PARP4: variants seen among roughly 807,000 people sequenced by gnomAD.
PARP4 encodes the protein protein mono-ADP-ribosyltransferase PARP4.
A neutral mutation model predicts 187.7 loss-of-function variants in PARP4; 120 were observed. That is an observed-to-expected ratio of 0.64 (90% CI 0.55 to 0.74). The LOEUF (loss-of-function observed/expected upper bound fraction) is 0.74. PARP4 is among the 30% of genes least tolerant of loss of function. The probability of loss-of-function intolerance (pLI) is 0.00; values close to 1 mark genes in which losing one functional copy is unlikely to be tolerated. For synonymous variants in PARP4, 654 were observed against 740.9 expected (o/e 0.88, Z 1.90); for missense variants, 1,836 against 2,070.5 (o/e 0.89, Z 2.20).
At position 24,492,601 on chromosome 13, in the gene PARP4, A is replaced by T. The variant is rs769464917; in HGVS notation, c.880-7T>A. 42 of 1,609,848 alleles carry T rather than the reference A, an allele frequency of 2.6e-5. No homozygotes were observed. Among genetic ancestry groups the T allele is most frequent in the Non-Finnish European group, 3.5e-5 (41 of 1,176,622 alleles). On this transcript the variant is annotated splice_polypyrimidine_tract_variant and splice_region_variant and intron_variant, in intron 8 of 33. Transcript: ENST00000381989. ...TCCCCTCTGCCTTGCTCACCTTTCA[A>T]CAGATCATATATGCTTATTACAATG...
intron 21 of PARP4, 100 bp downstream of exon 21, chr13:24,456,241 G>T: frequency 1.1e-6 from 1 of 893,738 alleles, no homozygotes; most frequent in African/African-American, 1.7e-5. Context: ...ATTTTGTAAT[G>T]CTAGTTTTTC....
intron 27 of PARP4, among the ~76,000 whole-genome samples, chr13:24,445,697 C>G (rs1294892301): frequency 1.3e-5 from 2 of 152,196 alleles, no homozygotes; most frequent in African/African-American, 4.8e-5. Flanking sequence ...CTAAGGTAAA[C>G]TTTTCCTGAG....
intron 24 of PARP4, among the ~76,000 whole-genome samples, chr13:24,451,213 G>A (rs1431752103): frequency 6.6e-6 from 1 of 152,230 alleles, no homozygotes; most frequent in East Asian, 1.9e-4. Flanking sequence ...AGGGGGCAGG[G>A]AGGGGCTGCT....
chr13:24,433,708 T>C (rs1440325721), intron 31 of PARP4, among the ~76,000 whole-genome samples: 2 of 151,690 alleles, frequency 1.3e-5, no homozygotes. Context: ...ATCTCCACTA[T>C]ATGGATGAGG....
At position 24,452,208 on chromosome 13, in the gene PARP4, G is replaced by T. The variant is rs540443092; in HGVS notation, c.3014+198C>A. The T allele has an allele frequency of 9.7e-6, 5 of 516,384 alleles. No homozygotes were observed. In the East Asian group the frequency reaches 1.6e-4, roughly 16 times the overall value. The allele number at this position is 516,384 out of a possible 1,614,324, so 32.0% of individuals were successfully genotyped here. A position where few individuals can be genotyped will look rare whatever the true frequency, so the allele number is the denominator to read the frequency against. ...TGAGAGGTTAAGGAACTTGCTCAAG[G>T]TCACGGCTAAGCTAATGAGTGGCCA... On this transcript the variant is annotated intron_variant, in intron 24 of 33. Coordinates refer to ENST00000381989, the MANE Select transcript of PARP4 (RefSeq NM_006437.4).
intron 23 of PARP4, 96 bp from the exon 24 acceptor site, chr13:24,452,689 G>T: frequency 1.1e-6 from 1 of 884,508 alleles, no homozygotes; most frequent in East Asian, 2.6e-5. Context: ...GTAGGGATAT[G>T]GTGACACCGA....
Position 24,424,550 on chromosome 13 carries a change from T to C in PARP4, c.4979+1916A>G, listed in dbSNP as rs181217112. ...ATTAGTTTCTAACAATATTAATATCTACCTTCCAAAATAACAAATCAAAAG... is the reference window on the plus strand; with the variant it reads ...ATTAGTTTCTAACAATATTAATATCCACCTTCCAAAATAACAAATCAAAAG... On this transcript the variant is annotated intron_variant, in intron 33 of 33. Coordinates refer to ENST00000381989, the MANE Select transcript of PARP4 (RefSeq NM_006437.4). Among the ~76,000 whole-genome samples, 9 of 152,334 alleles carry C rather than the reference T, an allele frequency of 5.9e-5. No individual in the cohort carries two copies. In the East Asian group the frequency reaches 1.7e-3, roughly 29 times the overall value.
rs567677962 is a variant in PARP4 at position 24,479,118 on chromosome 13, A to AAT, written c.1449-844_1449-843dup. Among the ~76,000 whole-genome samples, 29 of 152,334 alleles carry AAT rather than the reference A, an allele frequency of 1.9e-4. 1 individual carries two copies. In the South Asian group the frequency reaches 6.0e-3, roughly 32 times the overall value. The stretch of plus-strand genomic sequence containing the variant: ...TCTTTCTTTGGGAATCAGCAGCTTT[A>AAT]ATAAGGCAACTCTTGCTATTAGGAG... On this transcript the variant is annotated intron_variant, in intron 12 of 33. Coordinates refer to ENST00000381989, the MANE Select transcript of PARP4 (RefSeq NM_006437.4).
intron 17 of PARP4, 129 bp downstream of exon 17, chr13:24,468,895 C>G (rs4770695): frequency 0.53 from 357,799 of 672,672 alleles, 96,468 homozygotes; most frequent in South Asian, 0.63. Context: ...CTTACTCAGA[C>G]CAAGTGGAAC....
In PARP4 at chr13:24,475,547, G is replaced by A. The variant is rs146360150; in HGVS notation, c.1839C>T (p.Leu613=). ...AKTSSSTKAG[L]QDASGNLVPL... is the part of the protein sequence containing the mutation. ...GAACCAAGTTCCCAGAGGCATCCTG[G>A]AGGCCGGCCTTGGTGCTGCTGGAAG... is the stretch of plus-strand genomic sequence containing the variant. Residue 613 remains leucine, a synonymous_variant, in exon 15 of 34, where the codon CTC becomes CTT. Coordinates refer to ENST00000381989, the MANE Select transcript of PARP4 (RefSeq NM_006437.4). 7 of 1,614,002 alleles carry A rather than the reference G, an allele frequency of 4.3e-6. No homozygotes were observed. The highest frequency in any genetic ancestry group is 2.7e-5 in the African/African-American group (2 of 74,926).
At chr13:24,456,524 C>A in intron 20 of PARP4, 46 bp from the exon 21 acceptor site, 1 of 1,560,916 alleles carries the variant, frequency 6.4e-7, no homozygotes. Flanking sequence ...TGGAGTAACA[C>A]CATATTAGCA....
chr13:24,431,928 C>T (rs1216594169), intron 31 of PARP4, among the ~76,000 whole-genome samples: 2 of 152,078 alleles, frequency 1.3e-5, no homozygotes. Flanking sequence ...GGGGTTTCAC[C>T]ATGTCAGCCA....
intron 22 of PARP4, 89 bp downstream of exon 22, chr13:24,454,928 A>G (rs7317133): frequency 0.21 from 226,686 of 1,060,450 alleles, 25,743 homozygotes; most frequent in African/African-American, 0.36. Flanking sequence ...CCACACAGGC[A>G]GGGTCGGGTA....
In PARP4 at chr13:24,421,043, T is replaced by C; in HGVS notation, c.*76A>G. 6.9e-7 allele frequency: 1 copy of C among 1,452,716 alleles called. No homozygotes were observed. Among genetic ancestry groups the C allele is most frequent in the South Asian group, 1.4e-5 (1 of 70,734 alleles). The allele number at this position is 1,452,716 out of a possible 1,614,324, so 90.0% of individuals were successfully genotyped here. ...TGAATGAAACCTTAATGAAGTTTCATTATAAGTATCTATTATCATTTGATT... is the reference window on the plus strand; with the variant it reads ...TGAATGAAACCTTAATGAAGTTTCACTATAAGTATCTATTATCATTTGATT... On this transcript the variant is annotated 3_prime_UTR_variant, in exon 34 of 34. Transcript: ENST00000381989.
At chr13:24,497,643 G>T (rs1869028167) in intron 6 of PARP4, among the ~76,000 whole-genome samples, 1 of 152,182 alleles carries the variant, frequency 6.6e-6, no homozygotes, top group African/African-American at 2.4e-5. Flanking sequence ...TGTTATGGCT[G>T]AACTGTACCC....
rs572918340 is a variant in PARP4, at chr13:24,507,514, T to G, written c.-1-3737A>C. 5.9e-5 allele frequency among the ~76,000 whole-genome samples: 9 copies of G among 152,294 alleles called. No individual in the cohort carries two copies. The East Asian group carries it at 1.7e-3, about 29-fold the overall frequency. ...GGCTGGAGACAACCACTGGGTGCTA[T>G]TCTTGACTCCCTGCACCCCCATCTC... On this transcript the variant is annotated intron_variant, in intron 1 of 33. Coordinates refer to ENST00000381989, the MANE Select transcript of PARP4 (RefSeq NM_006437.4).
chr13:24,447,505 C>T (rs1448391765), intron 25 of PARP4, among the ~76,000 whole-genome samples: 1 of 152,192 alleles, frequency 6.6e-6, no homozygotes, highest in South Asian at 2.1e-4. Context: ...GGACTACAGG[C>T]GTACACCACC....
chr13:24,425,599 C>CTA (rs138449687), intron 33 of PARP4, among the ~76,000 whole-genome samples: 48,481 of 137,828 alleles, frequency 0.35, 8,179 homozygotes, highest in African/African-American at 0.39. Context: ...ATATCTATAT[C>CTA]TATATCTATA....
At chr13:24,431,804 G>A (rs547524825) in intron 31 of PARP4, among the ~76,000 whole-genome samples, 2 of 152,322 alleles carry the variant, frequency 1.3e-5, no homozygotes, top group South Asian at 2.1e-4. Flanking sequence ...TAGTGACATA[G>A]TATTGTTTGG....
Sources: gnomAD v4.1 joint callset for allele counts (sites outside exome capture counted in the v4.1 genomes callset) on GRCh38, gnomAD v4.1.1 for gene constraint, MANE v1.5 for transcripts, NCBI Gene and HGNC (gene_info 2026-07-23, HGNC 2026-07-21) for gene names.